The following DLGAP2 variants were observed in gnomAD, a reference collection of about 807,000 sequenced individuals.
The protein encoded by DLGAP2 is disks large-associated protein 2.
A neutral mutation model predicts 100.3 loss-of-function variants in DLGAP2; 26 were observed. The observed-to-expected ratio is 0.26, with a 90% CI of 0.19 to 0.36. DLGAP2 has a LOEUF of 0.36. Among genes scored for constraint, DLGAP2 ranks in the 10% least tolerant of loss-of-function variants. DLGAP2 has a pLI of 1.00. For missense variants in DLGAP2, 1,858 were observed against 1,453.2 expected (o/e 1.28, Z -4.53); for synonymous variants, 886 against 630.1 (o/e 1.41, Z -6.08).
intron 1 of DLGAP2, among the ~76,000 whole-genome samples, chr8:840,727 C>G (rs1004799541): frequency 6.6e-6 from 1 of 150,598 alleles, no homozygotes; most frequent in Non-Finnish European, 1.5e-5. Context: ...AGTGCATTTA[C>G]ACGGTGCACG....
chr8:1,374,802 G>T (rs1035875477), intron 3 of DLGAP2, among the ~76,000 whole-genome samples: 2 of 152,166 alleles, frequency 1.3e-5, no homozygotes, highest in African/African-American at 4.8e-5. Flanking sequence ...GCTTCAGTCC[G>T]AATCGGTCCA....
chr8:1,147,126 G>C (rs551202581), intron 2 of DLGAP2, among the ~76,000 whole-genome samples: 1 of 152,242 alleles, frequency 6.6e-6, no homozygotes, highest in South Asian at 2.1e-4. Flanking sequence ...TGACATGGTA[G>C]TTTCTTCCAT....
intron 1 of DLGAP2, among the ~76,000 whole-genome samples, chr8:792,537 A>T (rs993240400): frequency 6.6e-6 from 1 of 152,238 alleles, no homozygotes; most frequent in African/African-American, 2.4e-5. Context: ...ACCTTTTATC[A>T]AATTAAAGAA....
chr8:1,621,868 A>C (rs1159229555), intron 6 of DLGAP2: 1 of 152,184 alleles, frequency 6.6e-6, no homozygotes, highest in Admixed American at 6.5e-5. Flanking sequence ...GGGGCATCCC[A>C]GATGTGGGTG....
intron 1 of DLGAP2, among the ~76,000 whole-genome samples, chr8:898,211 A>G (rs1798184203): frequency 6.6e-6 from 1 of 152,136 alleles, no homozygotes; most frequent in Non-Finnish European, 1.5e-5. Flanking sequence ...AGTGCTCCCC[A>G]TGGTGTTTGC....
chr8:1,633,817 C>A (rs1797708391), intron 8 of DLGAP2, among the ~76,000 whole-genome samples: 1 of 152,116 alleles, frequency 6.6e-6, no homozygotes, highest in African/African-American at 2.4e-5. Context: ...AATGCTGCAG[C>A]TGTATCTTAG....
At chr8:1,494,207 T>G (rs1584953230) in intron 3 of DLGAP2, among the ~76,000 whole-genome samples, 1 of 152,256 alleles carries the variant, frequency 6.6e-6, no homozygotes, top group African/African-American at 2.4e-5. Context: ...ATCCAGTCTT[T>G]TCTTATGAGC....
At chr8:1,530,820 C>T (rs1395722824) in intron 4 of DLGAP2, among the ~76,000 whole-genome samples, 1 of 152,164 alleles carries the variant, frequency 6.6e-6, no homozygotes, top group Non-Finnish European at 1.5e-5. Context: ...ATAACAATTC[C>T]ACGTGCATAC....
intron 3 of DLGAP2, among the ~76,000 whole-genome samples, chr8:1,341,895 G>A (rs6558451): frequency 0.44 from 66,760 of 152,086 alleles, 17,803 homozygotes; most frequent in African/African-American, 0.76. Context: ...TCTAGCCTGC[G>A]GGTGAAGCAA....
intron 3 of DLGAP2, among the ~76,000 whole-genome samples, chr8:1,340,290 C>G (rs1410805051): frequency 6.6e-6 from 1 of 152,122 alleles, no homozygotes; most frequent in Admixed American, 6.6e-5. Flanking sequence ...AGCATCAGAG[C>G]AAACAGGCAA....
intron 3 of DLGAP2, among the ~76,000 whole-genome samples, chr8:1,312,943 T>C (rs1800646598): frequency 6.6e-6 from 1 of 152,196 alleles, no homozygotes; most frequent in Admixed American, 6.5e-5. Flanking sequence ...CTACGTGCGG[T>C]ATGGCCTGAT....
intron 2 of DLGAP2, among the ~76,000 whole-genome samples, chr8:1,191,774 C>T (rs62489012): frequency 0.16 from 24,631 of 152,036 alleles, 2,028 homozygotes; most frequent in East Asian, 0.23. Context: ...TCCAGGGGTC[C>T]TTTACCTTGA....
intron 2 of DLGAP2, among the ~76,000 whole-genome samples, chr8:1,220,053 A>G (rs1340698785): frequency 6.6e-6 from 1 of 152,008 alleles, no homozygotes; most frequent in Non-Finnish European, 1.5e-5. Context: ...CTTCTTTCAA[A>G]AAAACCAACT....
At chr8:1,700,725 A>T (rs1467113586) in intron 14 of DLGAP2, among the ~76,000 whole-genome samples, 1 of 152,178 alleles carries the variant, frequency 6.6e-6, no homozygotes, top group Non-Finnish European at 1.5e-5. Flanking sequence ...CATTCACGTA[A>T]GATGGTTTTC....
chr8:897,854 C>T (rs1798174792), intron 1 of DLGAP2, among the ~76,000 whole-genome samples: 1 of 152,178 alleles, frequency 6.6e-6, no homozygotes, highest in South Asian at 2.1e-4. Context: ...CTCCTTCCCC[C>T]AGGGCTGTGA....
chr8:883,772 C>T (rs373462968), intron 1 of DLGAP2, among the ~76,000 whole-genome samples: 2 of 152,168 alleles, frequency 1.3e-5, no homozygotes, highest in African/African-American at 4.8e-5. Flanking sequence ...TTAACCCATC[C>T]TGTAAGTTTC....
intron 5 of DLGAP2, among the ~76,000 whole-genome samples, chr8:1,551,633 CCA>C (rs145702066): frequency 0.021 from 3,246 of 152,278 alleles, 53 homozygotes; most frequent in Middle Eastern, 0.034. Context: ...CAGAATGAAC[CCA>C]CACACCGTCA....
At position 1,182,353 on chromosome 8, in the gene DLGAP2, A is replaced by G. The variant is rs536615242; in HGVS notation, c.74-76498A>G. Among the ~76,000 whole-genome samples the G allele has an allele frequency of 3.9e-5, 6 of 152,378 alleles. No individual in the cohort carries two copies. In the East Asian group the frequency reaches 7.7e-4, roughly 20 times the overall value. ...ACACACAACATCCGTGTGGGATGCC[A>G]GGTGGCTGGACTGAGAGTTGGCCCT... On this transcript the variant is annotated intron_variant, in intron 2 of 14. Coordinates refer to ENST00000637795, the MANE Select transcript of DLGAP2 (RefSeq NM_001346810.2).
chr8:1,494,029 T>G (rs1799470529), intron 3 of DLGAP2, among the ~76,000 whole-genome samples: 1 of 132,974 alleles, frequency 7.5e-6, no homozygotes, highest in African/African-American at 2.8e-5. Context: ...GCCCCTGCCC[T>G]CCCATTCTGC....
Sources: allele counts gnomAD v4.1 joint callset (sites outside exome capture counted in the v4.1 genomes callset), GRCh38; gene constraint gnomAD v4.1.1; transcripts MANE v1.5; gene names NCBI Gene and HGNC (gene_info 2026-07-23, HGNC 2026-07-21).